Variants in CELF2 observed in about 807,000 individuals in gnomAD.
CELF2 encodes CUGBP Elav-like family member 2, also known as CUG triplet repeat RNA-binding protein 2.
CELF2 carries 8 observed loss-of-function variants against 62.6 expected under a neutral mutation model. That is an observed-to-expected ratio of 0.13 (90% CI 0.07 to 0.23). The LOEUF (loss-of-function observed/expected upper bound fraction) is 0.23, where lower values mean the gene tolerates loss of function less well. CELF2 is among the 10% of genes least tolerant of loss of function. The pLI is 1.00. For synonymous variants in CELF2, 258 were observed against 250.0 expected (o/e 1.03, Z -0.30); for missense variants, 333 against 671.0 (o/e 0.50, Z 5.56).
In CELF2 at chr10:11,109,079, C is replaced by T. The variant is rs140518916; in HGVS notation, c.75-56407C>T. ...CCCAAGCTATCAAGGATATTTTCTC[C>T]AGCAGTTAATTCTGTTAGCTGCATT... On this transcript the variant is annotated intron_variant, in intron 1 of 12. Transcript: ENST00000633077. Among the ~76,000 whole-genome samples the T allele has an allele frequency of 1.9e-3, 288 of 152,268 alleles. 1 individual carries two copies. Among genetic ancestry groups the T allele is most frequent in the African/African-American group, 6.5e-3 (271 of 41,550 alleles).
chr10:10,889,478 T>A (rs1394949175), intron 1 of CELF2, among the ~76,000 whole-genome samples: 1 of 152,242 alleles, frequency 6.6e-6, no homozygotes, highest in Non-Finnish European at 1.5e-5. Context: ...TTGTGAGTAG[T>A]TTCTTCATTA....
chr10:10,556,408 A>G, the CELF2 span, among the ~76,000 whole-genome samples: 1 of 152,182 alleles, frequency 6.6e-6, no homozygotes, highest in African/African-American at 2.4e-5. Flanking sequence ...TATATGTGCC[A>G]CATTTTCTTA....
the CELF2 span, among the ~76,000 whole-genome samples, chr10:10,493,305 T>G: frequency 6.6e-6 from 1 of 152,120 alleles, no homozygotes; most frequent in Admixed American, 6.6e-5. Flanking sequence ...TATGGGCGAA[T>G]AGGTGCAGAG....
chr10:10,629,861 C>CAAAAAAAAAAAAAAAAAAAAAAAAAAAAA, the CELF2 span, among the ~76,000 whole-genome samples: 2 of 12,342 alleles, frequency 1.6e-4, 1 homozygote, highest in Non-Finnish European at 2.9e-4. Context: ...GGCTGAAGAC[C>CAAAAAAAAAAAAAAAAAAAAAAAAAAAAA]AAAAAAAAAA....
intron 1 of CELF2, among the ~76,000 whole-genome samples, chr10:10,911,145 A>T (rs940490689): frequency 6.6e-6 from 1 of 152,200 alleles, no homozygotes; most frequent in African/African-American, 2.4e-5. Flanking sequence ...GAAAGCAAAC[A>T]TAAGCCCTTC....
rs578019092 is a variant in CELF2 at position 11,199,466 on chromosome 10, C to T, written c.272-17959C>T. 7.2e-5 allele frequency among the ~76,000 whole-genome samples: 11 copies of T among 152,208 alleles called. No homozygotes were observed. In the South Asian group the frequency reaches 1.9e-3, roughly 26 times the overall value. On this transcript the variant is annotated intron_variant, in intron 2 of 12. Transcript: ENST00000633077. ...GTCACACCTGCGAGCAGAGAAGGCC[C>T]GCAGGTTGGGTATGGTCTGTGTAGA...
At chr10:10,517,762 A>C in the CELF2 span, among the ~76,000 whole-genome samples, 1 of 152,198 alleles carries the variant, frequency 6.6e-6, no homozygotes, top group African/African-American at 2.4e-5. Context: ...CATAATTCTC[A>C]ACAGGAGCTC....
intron 2 of CELF2, among the ~76,000 whole-genome samples, chr10:11,204,389 C>T (rs1265507212): frequency 6.6e-6 from 1 of 152,082 alleles, no homozygotes; most frequent in Non-Finnish European, 1.5e-5. Context: ...CCATTTTTAC[C>T]CCTAGGAACC....
intron 1 of CELF2, among the ~76,000 whole-genome samples, chr10:10,855,963 A>G (rs1424774848): frequency 2.0e-5 from 3 of 152,160 alleles, no homozygotes; most frequent in African/African-American, 7.2e-5. Context: ...CGGCAAAGAG[A>G]TGTCAGTCTG....
At chr10:10,848,337 C>T (rs2132699846) in intron 1 of CELF2, among the ~76,000 whole-genome samples, 1 of 152,322 alleles carries the variant, frequency 6.6e-6, no homozygotes, top group East Asian at 1.9e-4. Context: ...GTCTGTACTT[C>T]AGCCTTGAAA....
intron 1 of CELF2, among the ~76,000 whole-genome samples, chr10:10,823,172 G>A (rs935383854): frequency 1.3e-5 from 2 of 152,126 alleles, no homozygotes; most frequent in African/African-American, 4.8e-5. Flanking sequence ...CTTTTTATGT[G>A]CATAGAAAGA....
At position 11,011,439 on chromosome 10, in the gene CELF2, G is replaced by A. The variant is rs1306998503; in HGVS notation, c.53+5999G>A. Reference sequence around the variant, plus strand: ...AGGGGGAGAGGGAAGGTGTCATTAGGACACCCTGAATTCATCTTTATTATT... The same window carrying A: ...AGGGGGAGAGGGAAGGTGTCATTAGAACACCCTGAATTCATCTTTATTATT... On this transcript the variant is annotated intron_variant, in intron 1 of 12. Transcript: ENST00000416382. The surrounding 1 kb of genome is among the most constrained non-coding windows in gnomAD (Gnocchi z 4.6). Among the ~76,000 whole-genome samples the A allele has an allele frequency of 2.0e-5, 3 of 149,674 alleles. No homozygotes were observed. The highest frequency in any genetic ancestry group is 3.9e-4 in the East Asian group (2 of 5,108).
the CELF2 span, among the ~76,000 whole-genome samples, chr10:10,504,131 G>T: frequency 6.6e-6 from 1 of 151,956 alleles, no homozygotes; most frequent in Non-Finnish European, 1.5e-5. Flanking sequence ...AAAACTTAAG[G>T]AAATCCAGTT....
At chr10:11,292,432 CA>C (rs1165247979) in intron 9 of CELF2, among the ~76,000 whole-genome samples, 1 of 152,252 alleles carries the variant, frequency 6.6e-6, no homozygotes, top group Non-Finnish European at 1.5e-5. Flanking sequence ...TTTCCATTGA[CA>C]GGGGGCTTTG....
Position 11,325,772 on chromosome 10 carries a change from A to G in CELF2, c.1295-64A>G, listed in dbSNP as rs554380445. 2.1e-6 allele frequency: 3 copies of G among 1,459,782 alleles called. No individual in the cohort carries two copies. The East Asian group carries it at 6.9e-5, about 33-fold the overall frequency. 90.4% of individuals were successfully genotyped at this position (1,459,782 alleles called of 1,614,324 possible). A position where few individuals can be genotyped will look rare whatever the true frequency, so the allele number is the denominator to read the frequency against. On this transcript the variant is annotated intron_variant, in intron 11 of 12. Transcript: ENST00000633077. ...CCTACCTGTTGTTAAAGTATTCCTA[A>G]GAAGGGACTTTGGAAACTAAGACTC...
chr10:11,177,079 A>T lies in CELF2; in HGVS notation c.271+11397A>T, dbSNP rs1039804091. The stretch of plus-strand genomic sequence containing the variant: ...AGCCTATATAGGGTGGCTCATTTGG[A>T]CGAAGTATTGTTAAGGTGGTTATTA... On this transcript the variant is annotated intron_variant, in intron 2 of 12. Coordinates refer to ENST00000633077, the MANE Select transcript of CELF2 (RefSeq NM_001326342.2). This position sits in a 1 kb window ranked among gnomAD's most constrained non-coding sequence, Gnocchi z 4.8. 6.6e-6 allele frequency among the ~76,000 whole-genome samples: 1 copy of T among 152,164 alleles called. No individual in the cohort carries two copies. Among genetic ancestry groups the T allele is most frequent in the African/African-American group, 2.4e-5 (1 of 41,424 alleles).
rs1204544520 is a variant in CELF2, at chr10:11,270,461, C to T, written c.619-205C>T. ...CAAGTGACTTCACCGACCACCAGATCCCCCAAAGAAACCACTGGCAGTGTC... is the reference window on the plus strand; with the variant it reads ...CAAGTGACTTCACCGACCACCAGATTCCCCAAAGAAACCACTGGCAGTGTC... On this transcript the variant is annotated intron_variant, in intron 6 of 12. Coordinates refer to ENST00000633077, the MANE Select transcript of CELF2 (RefSeq NM_001326342.2). The surrounding 1 kb of genome is among the most constrained non-coding windows in gnomAD (Gnocchi z 5.8). Among the ~76,000 whole-genome samples, 1 of 152,220 alleles carries T rather than the reference C, an allele frequency of 6.6e-6. No individual in the cohort carries two copies. Among genetic ancestry groups the T allele is most frequent in the Non-Finnish European group, 1.5e-5 (1 of 68,044 alleles).
the CELF2 span, among the ~76,000 whole-genome samples, chr10:10,772,437 T>G: frequency 2.3e-3 from 352 of 152,346 alleles, 1 homozygote; most frequent in Admixed American, 3.2e-3. Context: ...TTACATGAAG[T>G]TTGTTGGTTT....
In CELF2 at chr10:11,212,341, C is replaced by G. The variant is rs541939871; in HGVS notation, c.272-5084C>G. Among the ~76,000 whole-genome samples, 14 of 152,286 alleles carry G rather than the reference C, an allele frequency of 9.2e-5. No homozygotes were observed. In the East Asian group the frequency reaches 1.7e-3, roughly 19 times the overall value. ...CCCGAGATGCTCCCTGTGAGGCCCC[C>G]CCGGGCCTGCCTTCACAGACAATGC... On this transcript the variant is annotated intron_variant, in intron 2 of 12. Coordinates refer to ENST00000633077, the MANE Select transcript of CELF2 (RefSeq NM_001326342.2).
Sources: gnomAD v4.1 joint callset for allele counts (sites outside exome capture counted in the v4.1 genomes callset) on GRCh38, gnomAD v4.1.1 for gene constraint, Gnocchi (gnomAD v3.1) non-coding constraint, MANE v1.5 for transcripts, NCBI Gene and HGNC (gene_info 2026-07-23, HGNC 2026-07-21) for gene names.